Variants in EXTL3 observed in about 807,000 individuals in gnomAD.
The protein encoded by EXTL3 is exostosin like glycosyltransferase 3.
EXTL3 carries 27 observed loss-of-function variants against 69.3 expected under a neutral mutation model. That is an observed-to-expected ratio of 0.39 (90% confidence interval 0.29 to 0.54). The LOEUF is 0.54. Among genes scored for constraint, EXTL3 ranks in the 20% least tolerant of loss-of-function variants. The pLI, the probability that EXTL3 is intolerant of heterozygous loss-of-function variation, is 0.69. For missense variants in EXTL3, 1,003 were observed against 1,231.8 expected, an observed-to-expected ratio of 0.81 and a Z score of 2.78; for synonymous variants, 511 against 499.4, an observed-to-expected ratio of 1.02 and a Z score of -0.31.
At chr8:28,674,215 G>T (rs1471457470) in intron 1 of EXTL3, among the ~76,000 whole-genome samples, 1 of 152,078 alleles carries the variant, frequency 6.6e-6, no homozygotes, top group Non-Finnish European at 1.5e-5. Flanking sequence ...GAGTAGCTGG[G>T]ACTACAGGTA....
At chr8:28,617,345 T>C (rs1296438733) in intron 2 of EXTL3, among the ~76,000 whole-genome samples, 1 of 152,242 alleles carries the variant, frequency 6.6e-6, no homozygotes, top group Non-Finnish European at 1.5e-5. Context: ...TGTAAGCTAA[T>C]GTTCATAGCA....
At position 28,630,235 on chromosome 8, in the gene EXTL3, TCTC is replaced by T. The variant is rs530991974; in HGVS notation, c.-53+7428_-53+7430del. On this transcript the variant is annotated intron_variant, in intron 1 of 6. Coordinates refer to the EXTL3 transcript ENST00000523149. ...ATCTGATCGTTTTATAAAGGGGAGT[TCTC>T]CTGCACACACACTCTTGCCTGCTGC... Among the ~76,000 whole-genome samples the T allele has an allele frequency of 5.3e-5, 8 of 152,056 alleles. No individual in the cohort carries two copies. The South Asian group carries it at 1.7e-3, about 32-fold the overall frequency.
chr8:28,721,127 A>G (rs1211402279), intron 3 of EXTL3, among the ~76,000 whole-genome samples: 5 of 152,270 alleles, frequency 3.3e-5, no homozygotes, highest in South Asian at 2.1e-4. Context: ...ATGCCTTAGC[A>G]TGGTTTTCTT....
At chr8:28,625,930 G>T (rs573830135) in intron 1 of EXTL3, among the ~76,000 whole-genome samples, 1 of 149,154 alleles carries the variant, frequency 6.7e-6, no homozygotes, top group Admixed American at 6.8e-5. Context: ...GGAGGCCAAG[G>T]TGGGAGGATT....
chr8:28,635,858 T>C (rs1301206021), intron 1 of EXTL3, among the ~76,000 whole-genome samples: 4 of 152,118 alleles, frequency 2.6e-5, no homozygotes, highest in African/African-American at 9.7e-5. Flanking sequence ...CCAACAACTT[T>C]GTTGATGATA....
intron 4 of EXTL3, among the ~76,000 whole-genome samples, chr8:28,732,391 A>G (rs1465433928): frequency 1.3e-5 from 2 of 152,032 alleles, no homozygotes; most frequent in Admixed American, 1.3e-4. Flanking sequence ...TTTTTACAAC[A>G]TTTCTTCAAT....
At chr8:28,647,697 CTT>C (rs1488138826) in intron 1 of EXTL3, among the ~76,000 whole-genome samples, 5 of 152,098 alleles carry the variant, frequency 3.3e-5, no homozygotes, top group African/African-American at 1.2e-4. Context: ...CTTGCCAACA[CTT>C]TTTTCTAGGC....
At chr8:28,735,890 A>G (rs1168404298) in intron 4 of EXTL3, among the ~76,000 whole-genome samples, 2 of 152,230 alleles carry the variant, frequency 1.3e-5, no homozygotes, top group Non-Finnish European at 2.9e-5. Flanking sequence ...TTCGTAACAG[A>G]AGTGCAAACA....
In EXTL3 at chr8:28,743,181, T is replaced by G. The variant is rs775933143; in HGVS notation, c.2517T>G (p.Leu839=). The change falls in exon 6 of 7, where the codon CTT becomes CTG. Residue 839 remains leucine, a synonymous_variant. Coordinates refer to ENST00000220562, the MANE Select transcript of EXTL3 (RefSeq NM_001440.4). The part of the protein sequence containing the change: ...INCEDIAMNF[L]VSHITRKPPI... ...GTGAGGACATTGCCATGAACTTCCT[T>G]GTCTCCCACATCACTCGGAAGCCCC... 1.9e-6 allele frequency: 3 copies of G among 1,614,118 alleles called. No homozygotes were observed. The African/African-American group carries it at 4.0e-5, about 22-fold the overall frequency.
chr8:28,657,862 C>A (rs755425452), intron 1 of EXTL3, among the ~76,000 whole-genome samples: 1 of 152,200 alleles, frequency 6.6e-6, no homozygotes, highest in Non-Finnish European at 1.5e-5. Context: ...ATCCTGGGCT[C>A]TTTGACCTCC....
intron 1 of EXTL3, among the ~76,000 whole-genome samples, chr8:28,708,014 A>G (rs1800957830): frequency 6.6e-6 from 1 of 152,226 alleles, no homozygotes; most frequent in South Asian, 2.1e-4. Context: ...AGGAATGCTC[A>G]CCACTTATTG....
chr8:28,624,222 A>G (rs763177679), intron 1 of EXTL3, among the ~76,000 whole-genome samples: 1 of 152,234 alleles, frequency 6.6e-6, no homozygotes, highest in Non-Finnish European at 1.5e-5. Context: ...GAAATTATGA[A>G]TTGCCTATTA....
intron 1 of EXTL3, among the ~76,000 whole-genome samples, chr8:28,660,003 C>A (rs567181059): frequency 6.6e-6 from 1 of 152,072 alleles, no homozygotes; most frequent in Non-Finnish European, 1.5e-5. Flanking sequence ...TTTTACTATA[C>A]GTTTAAATAG....
chr8:28,645,286 A>G (rs187136658), intron 1 of EXTL3, among the ~76,000 whole-genome samples: 181 of 152,378 alleles, frequency 1.2e-3, no homozygotes, highest in Non-Finnish European at 2.0e-3. Flanking sequence ...CTACTTCTGG[A>G]AATCTATCTT....
intron 1 of EXTL3, among the ~76,000 whole-genome samples, chr8:28,667,304 G>C (rs963911470): frequency 2.6e-5 from 4 of 152,158 alleles, no homozygotes; most frequent in African/African-American, 9.7e-5. Context: ...AAGTAACAAG[G>C]GTGGGGGATT....
chr8:28,712,236 G>A (rs1043202362), intron 1 of EXTL3, among the ~76,000 whole-genome samples: 1 of 152,208 alleles, frequency 6.6e-6, no homozygotes, highest in African/African-American at 2.4e-5. Flanking sequence ...GAGAAGCTTG[G>A]CACAGTCGAG....
chr8:28,691,571 G>GTTTTTTTTTTTTTTTTTTTTTT (rs1800612428), intron 1 of EXTL3, among the ~76,000 whole-genome samples: 5 of 65,998 alleles, frequency 7.6e-5, no homozygotes, highest in African/African-American at 4.2e-4. Flanking sequence ...CAGTTTTTGT[G>GTTTTTTTTTTTTTTTTTTTTTT]ATTTTTTTTT....
chr8:28,676,220 C>T (rs1807380292), intron 1 of EXTL3, among the ~76,000 whole-genome samples: 2 of 152,036 alleles, frequency 1.3e-5, no homozygotes, highest in South Asian at 2.1e-4. Flanking sequence ...CCTACTCACC[C>T]ACCCTGGGAG....
Position 28,752,617 on chromosome 8 carries a change from G to C in EXTL3, c.*1751G>C, listed in dbSNP as rs569717869. Reference sequence around the variant, plus strand: ...GGCAAACCGGACCCGGCCGCCGCCAGGACTGTGTTTCCAAAGGTTCCCCGC... The same window carrying C: ...GGCAAACCGGACCCGGCCGCCGCCACGACTGTGTTTCCAAAGGTTCCCCGC... On this transcript the variant is annotated 3_prime_UTR_variant, in exon 7 of 7. Coordinates refer to ENST00000220562, the MANE Select transcript of EXTL3 (RefSeq NM_001440.4). 9 of 152,850 alleles carry C rather than the reference G, an allele frequency of 5.9e-5. No homozygotes were observed. The East Asian group carries it at 1.7e-3, about 30-fold the overall frequency. 9.5% of individuals were successfully genotyped at this position (152,850 alleles called of 1,614,324 possible).
Sources: gnomAD v4.1 joint callset for allele counts (sites outside exome capture counted in the v4.1 genomes callset) on GRCh38, gnomAD v4.1.1 for gene constraint, MANE v1.5 for transcripts, NCBI Gene and HGNC (gene_info 2026-07-23, HGNC 2026-07-21) for gene names.